Variants in NDUFAF7 observed in about 807,000 individuals in gnomAD.
NDUFAF7 encodes the protein protein arginine methyltransferase NDUFAF7, mitochondrial.
In NDUFAF7, 48 loss-of-function variants were observed where a neutral mutation model predicts 47.2. The ratio of observed to expected loss-of-function variants is 1.02; its 90% CI spans 0.81 to 1.29. The LOEUF (loss-of-function observed/expected upper bound fraction) is 1.29. NDUFAF7 is among the 50% of genes most tolerant of loss of function. The pLI is 0.00. For synonymous variants in NDUFAF7, 217 were observed against 190.0 expected (o/e 1.14, Z -1.17); for missense variants, 635 against 537.6 (o/e 1.18, Z -1.79).
chr2:37,236,199 A>C, intron 3 of NDUFAF7, 23 bp downstream of exon 3: 1 of 1,513,078 alleles, frequency 6.6e-7, no homozygotes, highest in Admixed American at 1.7e-5. Flanking sequence ...GTAAAGTATG[A>C]ATGAAGCTAA....
At chr2:37,266,594 C>T in the NDUFAF7 span, among the ~76,000 whole-genome samples, 1 of 151,740 alleles carries the variant, frequency 6.6e-6, no homozygotes, top group Non-Finnish European at 1.5e-5. Context: ...TCAAGCGATT[C>T]TCCTGCCTCA....
chr2:37,249,439 T>C (rs552604972), downstream of NDUFAF7, among the ~76,000 whole-genome samples: 9 of 152,140 alleles, frequency 5.9e-5, no homozygotes, highest in Non-Finnish European at 1.3e-4. Context: ...TAGCCTGGTG[T>C]GGTGGTGGGC....
the NDUFAF7 span, chr2:37,267,536 C>T: frequency 6.3e-7 from 1 of 1,593,558 alleles, no homozygotes. Flanking sequence ...TCTATGTTTT[C>T]CTATTAAGAA....
At chr2:37,254,337 A>G, downstream of NDUFAF7, 1 of 1,455,168 alleles carries the variant, frequency 6.9e-7, no homozygotes, top group Non-Finnish European at 9.7e-7. Flanking sequence ...TGCACAGAGT[A>G]CCCCAAACTT....
At chr2:37,240,182 G>A (rs924936855) in intron 4 of NDUFAF7, among the ~76,000 whole-genome samples, 1 of 152,134 alleles carries the variant, frequency 6.6e-6, no homozygotes, top group Non-Finnish European at 1.5e-5. Context: ...TGTAATCGCA[G>A]CACTTTGGGA....
chr2:37,232,164 C>A lies in NDUFAF7; in HGVS notation c.114C>A (p.Asn38Lys), dbSNP rs1240956137. Residue 38 changes from asparagine to lysine, a missense_variant, in exon 2 of 10, where the codon AAC (asparagine) becomes AAA (lysine). By Grantham distance (94) the Asn-to-Lys change is moderately conservative. Transcript: ENST00000002125. ...YFSSGNEPAE[N>K]PVTPMLRHLM... ...GCTCCGGGAATGAGCCTGCAGAAAA[C>A]CCGGTGACGCCGATGCTGCGGCATC... 6.2e-7 allele frequency: 1 copy of A among 1,614,060 alleles called. No individual in the cohort carries two copies. Among genetic ancestry groups the A allele is most frequent in the African/African-American group, 1.3e-5 (1 of 74,928 alleles).
downstream of NDUFAF7, chr2:37,253,215 T>C (rs1166847998): frequency 6.2e-7 from 1 of 1,611,884 alleles, no homozygotes; most frequent in Non-Finnish European, 8.5e-7. Flanking sequence ...TTAGGAGCCA[T>C]AATGAAGTGC....
At chr2:37,231,853 G>C (rs1665169272) in intron 1 of NDUFAF7, 93 bp downstream of exon 1, 1 of 1,589,424 alleles carries the variant, frequency 6.3e-7, no homozygotes, top group Non-Finnish European at 8.5e-7. Flanking sequence ...GGGATCAAGG[G>C]CTCGGGGGCT....
chr2:37,231,848 C>T, intron 1 of NDUFAF7, 88 bp downstream of exon 1: 1 of 1,595,278 alleles, frequency 6.3e-7, no homozygotes, highest in South Asian at 1.1e-5. Context: ...ACCGGGGGAT[C>T]AAGGGCTCGG....
chr2:37,269,774 T>C, the NDUFAF7 span: 3 of 905,240 alleles, frequency 3.3e-6, no homozygotes, highest in South Asian at 1.7e-5. Flanking sequence ...AATACTTCAA[T>C]ACATTTTTAT....
rs1201821914 is a variant in NDUFAF7 at position 37,241,560 on chromosome 2, TC to T, written c.409-17del. ...CTACTTAACACATTGTATTTTTTTT[TC>T]TTCTTTTGGTATTTAGGTGTTCACT... On this transcript the variant is annotated splice_polypyrimidine_tract_variant and intron_variant, in intron 4 of 9. Coordinates refer to ENST00000002125, the MANE Select transcript of NDUFAF7 (RefSeq NM_144736.5). 7 of 1,591,828 alleles carry T rather than the reference TC, an allele frequency of 4.4e-6. No individual in the cohort carries two copies. The South Asian group carries it at 5.6e-5, about 13-fold the overall frequency.
At chr2:37,236,259 T>C (rs1665743034) in intron 3 of NDUFAF7, 83 bp downstream of exon 3, 2 of 1,214,188 alleles carry the variant, frequency 1.6e-6, no homozygotes, top group Admixed American at 3.5e-5. Flanking sequence ...AGTAGTGTTC[T>C]ACAGCTTTTT....
the NDUFAF7 span, among the ~76,000 whole-genome samples, chr2:37,263,407 A>C: frequency 6.6e-6 from 1 of 152,210 alleles, no homozygotes; most frequent in African/African-American, 2.4e-5. Context: ...CTTTGTTTTT[A>C]GGGTACAGAG....
chr2:37,269,687 C>T, the NDUFAF7 span: 2 of 1,603,282 alleles, frequency 1.2e-6, no homozygotes, highest in Non-Finnish European at 1.7e-6. Flanking sequence ...GTACTGATAT[C>T]CTGGTAGGAT....
chr2:37,255,277 A>T (rs1277736128), downstream of NDUFAF7, among the ~76,000 whole-genome samples: 2 of 150,920 alleles, frequency 1.3e-5, no homozygotes, highest in Non-Finnish European at 1.5e-5. Context: ...ATGGAATATT[A>T]GTTAATCCTA....
downstream of NDUFAF7, among the ~76,000 whole-genome samples, chr2:37,255,138 C>T (rs1667830517): frequency 6.6e-6 from 1 of 152,210 alleles, no homozygotes; most frequent in Non-Finnish European, 1.5e-5. Context: ...CACACTGCCT[C>T]AGGAGGTCTG....
the NDUFAF7 span, among the ~76,000 whole-genome samples, chr2:37,265,007 T>C: frequency 4.6e-5 from 7 of 152,144 alleles, no homozygotes; most frequent in Non-Finnish European, 8.8e-5. Context: ...GTCTTAATAA[T>C]AATATGCGCA....
chr2:37,239,342 C>T (rs376555736), intron 4 of NDUFAF7, among the ~76,000 whole-genome samples: 3 of 152,278 alleles, frequency 2.0e-5, no homozygotes, highest in East Asian at 3.9e-4. Flanking sequence ...TGATCTTGAA[C>T]TCTTGGCTTG....
Position 37,235,893 on chromosome 2 carries a change from C to T in NDUFAF7, c.217-203C>T, listed in dbSNP as rs534592606. On this transcript the variant is annotated intron_variant, in intron 2 of 9. Coordinates refer to ENST00000002125, the MANE Select transcript of NDUFAF7 (RefSeq NM_144736.5). Reference sequence around the variant, plus strand: ...CAGGATGGTCTCAATCTCCTGACTTCGTGATCCACCCGTCTCGGCCTCCCA... The same window carrying T: ...CAGGATGGTCTCAATCTCCTGACTTTGTGATCCACCCGTCTCGGCCTCCCA... Among the ~76,000 whole-genome samples, 7 of 152,130 alleles carry T rather than the reference C, an allele frequency of 4.6e-5. No homozygotes were observed. In the East Asian group the frequency reaches 9.7e-4, roughly 21 times the overall value.
Sources: gnomAD v4.1 joint callset for allele counts (sites outside exome capture counted in the v4.1 genomes callset) on GRCh38, gnomAD v4.1.1 for gene constraint, MANE v1.5 for transcripts, NCBI Gene and HGNC (gene_info 2026-07-23, HGNC 2026-07-21) for gene names.